The following PROSER3 variants were observed in gnomAD, a reference collection of about 807,000 sequenced individuals.
PROSER3 encodes proline and serine rich 3.
PROSER3 carries 33 observed loss-of-function variants against 50.2 expected under a neutral mutation model. The observed-to-expected ratio is 0.66, with a 90% confidence interval of 0.50 to 0.88. The LOEUF (loss-of-function observed/expected upper bound fraction) is 0.88, where lower values mean the gene tolerates loss of function less well. Ranked by LOEUF, PROSER3 falls within the 40% of genes least tolerant of loss-of-function variation. PROSER3 has a pLI of 0.00. For missense variants in PROSER3, 623 were observed against 612.7 expected, an observed-to-expected ratio of 1.02 and a Z score of -0.18; for synonymous variants, 266 against 259.3, an observed-to-expected ratio of 1.03 and a Z score of -0.25.
rs201316061 is a variant in PROSER3 at position 35,759,879 on chromosome 19, G to A, written c.199G>A (p.Glu67Lys). ...TCCCAACTCCCCTGAGCTGTTTGAG[G>A]AGTCCTGGCCATCCAGTTCAGGGAC... Residue 67 changes from glutamate to lysine, a missense_variant, in exon 3 of 11, where the codon GAG becomes AAG. By Grantham distance (56) the Glu-to-Lys change is moderately conservative. Transcript: ENST00000396908. 1.6e-4 allele frequency: 260 copies of A among 1,589,896 alleles called. No homozygotes were observed. In the African/African-American group the frequency reaches 3.2e-3, roughly 20 times the overall value.
chr19:35,758,416 T>G (rs1163485872), intron 1 of PROSER3, 190 bp downstream of exon 1: 1 of 629,276 alleles, frequency 1.6e-6, no homozygotes, highest in Non-Finnish European at 2.5e-6. Flanking sequence ...GGGGGTCCCC[T>G]AAGAGTCTTA....
intron 1 of PROSER3, chr19:35,758,526 C>T (rs1018673212): frequency 4.9e-5 from 18 of 368,896 alleles, no homozygotes; most frequent in Non-Finnish European, 7.8e-5. Context: ...CCCCCAGACA[C>T]GCCTGGGCGT....
chr19:35,759,363 T>G lies in PROSER3; in HGVS notation c.12-11T>G. ...ACCACGTGCTGCCTGAACCCCACTT[T>G]CCTCTTGCAGCCTGCCAGTTTTCTC... On this transcript the variant is annotated splice_polypyrimidine_tract_variant and intron_variant, in intron 1 of 10. Coordinates refer to ENST00000396908, the Ensembl canonical transcript of PROSER3. 2 of 1,612,296 alleles carry G rather than the reference T, an allele frequency of 1.2e-6. No homozygotes were observed. Among genetic ancestry groups the G allele is most frequent in the South Asian group, 2.2e-5 (2 of 90,850 alleles).
At chr19:35,767,283 G>A in intron 8 of PROSER3, 3 of 326,074 alleles carry the variant, frequency 9.2e-6, no homozygotes, top group Non-Finnish European at 1.7e-5. Context: ...GTATCCCTTG[G>A]GGCTGTTCCT....
chr19:35,764,239 G>A (rs995452885), intron 5 of PROSER3, among the ~76,000 whole-genome samples: 10 of 152,154 alleles, frequency 6.6e-5, no homozygotes, highest in Admixed American at 6.5e-4. Flanking sequence ...AGAAGCCCCA[G>A]GGCTCACTGT....
At chr19:35,766,415 A>G (rs231221) in intron 7 of PROSER3, among the ~76,000 whole-genome samples, 74,838 of 151,918 alleles carry the variant, frequency 0.49, 19,655 homozygotes, top group East Asian at 0.75. Flanking sequence ...GTGTGGTGGC[A>G]CACGCCTTTT....
exon 3 of PROSER3, chr19:35,759,939 T>C: frequency 1.2e-6 from 2 of 1,607,390 alleles, no homozygotes; most frequent in Non-Finnish European, 1.7e-6. Context: ...GGGACAGATG[T>C]GGGCCTCCCC....
chr19:35,767,941 G>C (rs231217), exon 9 of PROSER3: 173,048 of 1,610,844 alleles, frequency 0.11, 9,735 homozygotes, highest in South Asian at 0.11. Context: ...CCACAGTCAA[G>C]GCCTCGCCGC....
intron 5 of PROSER3, 53 bp downstream of exon 5, chr19:35,762,409 C>A: frequency 6.8e-7 from 1 of 1,466,398 alleles, no homozygotes; most frequent in Non-Finnish European, 9.4e-7. Context: ...CAACACCAGC[C>A]CTAGGACAGA....
chr19:35,761,920 C>T, intron 3 of PROSER3, 99 bp from the exon 4 acceptor site: 8 of 1,317,544 alleles, frequency 6.1e-6, no homozygotes, highest in Non-Finnish European at 8.1e-6. Flanking sequence ...AGCTACCAGG[C>T]TCTGCCATGG....
At chr19:35,759,195 T>G in intron 1 of PROSER3, 179 bp from the exon 2 acceptor site, 1 of 598,524 alleles carries the variant, frequency 1.7e-6, no homozygotes, top group South Asian at 2.0e-5. Context: ...AGGGGCGGGC[T>G]CCCAGGACTC....
chr19:35,769,323 T>TTC (rs1450227185), downstream of PROSER3: 2 of 145,362 alleles, frequency 1.4e-5, no homozygotes, highest in Non-Finnish European at 3.0e-5. Context: ...TTTTTTTTTT[T>TTC]GGATGGAGTC....
At position 35,762,455 on chromosome 19, in the gene PROSER3, T is replaced by G. The variant is rs138979994; in HGVS notation, c.543+99T>G. The stretch of plus-strand genomic sequence containing the variant: ...CAGGAGCAGTGGCTCACACCTGTAA[T>G]CCCAGCACTTTGGGAGGCCAAGGTG... On this transcript the variant is annotated intron_variant, in intron 5 of 10. Coordinates refer to ENST00000396908, the Ensembl canonical transcript of PROSER3. 2.4e-4 allele frequency: 288 copies of G among 1,180,728 alleles called. 1 individual carries two copies. The East Asian group carries it at 7.5e-3, about 31-fold the overall frequency. 73.1% of individuals were successfully genotyped at this position (1,180,728 alleles called of 1,614,324 possible). A position where few individuals can be genotyped will look rare whatever the true frequency, so the allele number is the denominator to read the frequency against.
At chr19:35,759,424 G>A in exon 2 of PROSER3, 3 of 1,613,476 alleles carry the variant, frequency 1.9e-6, no homozygotes, top group Non-Finnish European at 2.5e-6. Flanking sequence ...GCGCCCCTGG[G>A]TCGAAGCCAC....
intron 1 of PROSER3, chr19:35,759,149 G>A (rs1283887737): frequency 3.8e-6 from 2 of 520,276 alleles, no homozygotes; most frequent in Non-Finnish European, 6.9e-6. Context: ...ACCACCGGCT[G>A]TCAGTTCCTG....
At chr19:35,765,609 A>T (rs769703035) in intron 7 of PROSER3, among the ~76,000 whole-genome samples, 8 of 150,738 alleles carry the variant, frequency 5.3e-5, no homozygotes, top group Non-Finnish European at 8.9e-5. Flanking sequence ...GTGCCATCAT[A>T]GTCCAATTGC....
At position 35,766,774 on chromosome 19, in the gene PROSER3, C is replaced by T. The variant is rs1455083066; in HGVS notation, c.776C>T (p.Pro259Leu). 80 of 1,547,854 alleles carry T rather than the reference C, an allele frequency of 5.2e-5. No homozygotes were observed. The highest frequency in any genetic ancestry group is 2.2e-4 in the East Asian group (9 of 40,854). Residue 259 changes from proline to leucine, a missense_variant, in exon 8 of 11, where the codon CCG becomes CTG. By Grantham distance (98) the Pro-to-Leu change is moderately conservative. This residue lies in a region of PROSER3 where 380 missense variants were observed against 346.8 expected (regional missense o/e 1.10). Coordinates refer to ENST00000396908, the Ensembl canonical transcript of PROSER3. ...TCTCTACCTCCCCCTACAGCATCCC[C>T]GGCACCAGCCCAGGCCCAGACCCCC...
At chr19:35,767,795 C>T (rs1203052436) in intron 8 of PROSER3, 4 of 1,606,666 alleles carry the variant, frequency 2.5e-6, no homozygotes, top group Non-Finnish European at 3.4e-6. Context: ...ATCCCAGTGT[C>T]GGGCCAAGGC....
At chr19:35,767,092 G>A in intron 8 of PROSER3, 1 of 1,156,234 alleles carries the variant, frequency 8.6e-7, no homozygotes, top group Non-Finnish European at 1.2e-6. Flanking sequence ...CTCCAGTGGA[G>A]ACCCTCAGTT....
Sources: gnomAD v4.1 joint callset for allele counts (sites outside exome capture counted in the v4.1 genomes callset) on GRCh38, gnomAD v4.1.1 for gene constraint, gnomAD v4.1.1 regional missense constraint, MANE v1.5 for transcripts, NCBI Gene and HGNC (gene_info 2026-07-23, HGNC 2026-07-21) for gene names.